Variants in CLDN16 observed in about 807,000 individuals in gnomAD.
CLDN16 encodes the protein claudin 16.
Under a neutral mutation model 24.6 loss-of-function variants are expected in CLDN16, and 13 were observed. The ratio of observed to expected loss-of-function variants is 0.53; its 90% confidence interval spans 0.34 to 0.84. CLDN16 has a LOEUF of 0.84. CLDN16 is among the 40% of genes least tolerant of loss of function. The probability of loss-of-function intolerance (pLI) is 0.01; values close to 1 mark genes in which losing one functional copy is unlikely to be tolerated. For missense variants in CLDN16, 298 were observed against 292.7 expected (o/e 1.02, Z -0.13); for synonymous variants, 116 against 106.7 (o/e 1.09, Z -0.54).
chr3:190,388,422 G>T lies in CLDN16; in HGVS notation c.93G>T (p.Val31=). 6.2e-7 allele frequency: 1 copy of T among 1,614,036 alleles called. No homozygotes were observed. The highest frequency in any genetic ancestry group is 8.5e-7 in the Non-Finnish European group (1 of 1,179,972). ...CCACCTGGACTGACTGTTGGATGGT[G>T]AATGCTGATGACTCTCTGGAGGTAA... ...IVATWTDCWM[V]NADDSLEVST... The change falls in exon 1 of 5, where the codon GTG becomes GTT. Residue 31 remains valine (V), a synonymous_variant. Coordinates refer to ENST00000264734, the MANE Select transcript of CLDN16 (RefSeq NM_006580.4).
At chr3:190,383,784 A>T (rs1718423471), upstream of CLDN16, among the ~76,000 whole-genome samples, 1 of 152,108 alleles carries the variant, frequency 6.6e-6, no homozygotes, top group African/African-American at 2.4e-5. Flanking sequence ...ATAGATATAG[A>T]TATACATACA....
At chr3:190,393,267 C>T (rs1718725811) in intron 1 of CLDN16, among the ~76,000 whole-genome samples, 3 of 152,112 alleles carry the variant, frequency 2.0e-5, no homozygotes, top group South Asian at 4.1e-4. Context: ...TGTCCCTGAA[C>T]CATCCTACTA....
At chr3:190,313,079 C>T in the CLDN16 span, 4 of 1,609,914 alleles carry the variant, frequency 2.5e-6, no homozygotes, top group Admixed American at 1.7e-5. Context: ...ATGCTTGGAC[C>T]AACAAGAGAA....
chr3:190,347,785 C>T (rs1461234126), intron 1 of CLDN16, among the ~76,000 whole-genome samples: 5 of 152,034 alleles, frequency 3.3e-5, no homozygotes, highest in East Asian at 1.9e-4. Context: ...TCTGAAGTGG[C>T]GACAAGTGAG....
At chr3:190,290,722 T>A in the CLDN16 span, among the ~76,000 whole-genome samples, 1 of 152,178 alleles carries the variant, frequency 6.6e-6, no homozygotes, top group Non-Finnish European at 1.5e-5. Flanking sequence ...GATAAATAAT[T>A]ATTACAATTC....
intron 3 of CLDN16, among the ~76,000 whole-genome samples, chr3:190,374,761 G>A (rs1718214083): frequency 1.3e-5 from 2 of 151,920 alleles, no homozygotes; most frequent in South Asian, 4.1e-4. Context: ...AAAAAAGAAA[G>A]TTTGTTTTTA....
intron 1 of CLDN16, among the ~76,000 whole-genome samples, chr3:190,389,177 G>GT (rs1434888932): frequency 6.6e-6 from 1 of 152,152 alleles, no homozygotes; most frequent in Non-Finnish European, 1.5e-5. Flanking sequence ...ACCATTACCT[G>GT]TGGCCATAGG....
In CLDN16 at chr3:190,409,724, A is replaced by T. The variant is rs114668081; in HGVS notation, c.575-179A>T. Among the ~76,000 whole-genome samples the T allele has an allele frequency of 0.024, 3,656 of 152,304 alleles. 68 individuals are homozygous for T. The highest frequency in any genetic ancestry group is 0.056 in the South Asian group (270 of 4,830). On this transcript the variant is annotated intron_variant, in intron 4 of 4. Transcript: ENST00000264734. ...TACTTGGCTGAATTTTAAACCTAAA[A>T]GAAACTTTCAGAATGAAAATCTTAA... is the stretch of plus-strand genomic sequence containing the variant.
chr3:190,388,607 T>A (rs1718570919), intron 1 of CLDN16, among the ~76,000 whole-genome samples, 164 bp downstream of exon 1: 1 of 152,210 alleles, frequency 6.6e-6, no homozygotes, highest in Admixed American at 6.5e-5. Flanking sequence ...CATTTAATCC[T>A]CATAGTTAAT....
intron 3 of CLDN16, among the ~76,000 whole-genome samples, chr3:190,376,509 C>T (rs1718251941): frequency 1.3e-5 from 2 of 151,700 alleles, no homozygotes; most frequent in South Asian, 4.1e-4. Flanking sequence ...AAGCATCTTC[C>T]ATAGGAATAT....
At chr3:190,380,537 G>C (rs927210376) in intron 3 of CLDN16, among the ~76,000 whole-genome samples, 1 of 152,010 alleles carries the variant, frequency 6.6e-6, no homozygotes, top group Non-Finnish European at 1.5e-5. Flanking sequence ...AAGTATTCAT[G>C]GGTTAAGAAG....
chr3:190,390,693 G>A (rs758465482), intron 1 of CLDN16, among the ~76,000 whole-genome samples: 1 of 152,140 alleles, frequency 6.6e-6, no homozygotes, highest in Non-Finnish European at 1.5e-5. Context: ...CAAATTTGAA[G>A]GTTCTGATGC....
At chr3:190,361,504 C>T (rs1440127744) in intron 1 of CLDN16, among the ~76,000 whole-genome samples, 1 of 151,934 alleles carries the variant, frequency 6.6e-6, no homozygotes, top group Non-Finnish European at 1.5e-5. Flanking sequence ...GACTTGGCAC[C>T]AGTCGGCCTT....
chr3:190,319,807 A>G (rs1716870069), upstream of CLDN16, among the ~76,000 whole-genome samples: 3 of 152,206 alleles, frequency 2.0e-5, no homozygotes, highest in South Asian at 6.2e-4. Flanking sequence ...ATGAATCACC[A>G]TCCCAGATCT....
chr3:190,322,471 T>TA, upstream of CLDN16: 1 of 516,784 alleles, frequency 1.9e-6, no homozygotes, highest in East Asian at 3.4e-5. Flanking sequence ...CGCCGCGATT[T>TA]AAAGCAGCTC....
chr3:190,378,863 C>T (rs996889705), intron 3 of CLDN16, among the ~76,000 whole-genome samples: 7 of 151,890 alleles, frequency 4.6e-5, no homozygotes, highest in Admixed American at 3.3e-4. Flanking sequence ...GAATAAGTCA[C>T]TTAATATATA....
At chr3:190,401,535 T>C (rs1718962746) in intron 1 of CLDN16, among the ~76,000 whole-genome samples, 1 of 152,176 alleles carries the variant, frequency 6.6e-6, no homozygotes, top group Non-Finnish European at 1.5e-5. Context: ...TCTGTTGGCA[T>C]GTTTACGATT....
At chr3:190,323,501 T>G (rs1465046098) in intron 1 of CLDN16, among the ~76,000 whole-genome samples, 1 of 152,238 alleles carries the variant, frequency 6.6e-6, no homozygotes, top group African/African-American at 2.4e-5. Flanking sequence ...TAGTCAGAAG[T>G]GCTGTTGTGG....
At chr3:190,313,532 T>C in the CLDN16 span, among the ~76,000 whole-genome samples, 1 of 152,200 alleles carries the variant, frequency 6.6e-6, no homozygotes, top group African/African-American at 2.4e-5. Context: ...AATTGGAAGA[T>C]AAAAAATAAA....
Sources: gnomAD v4.1 joint callset for allele counts (sites outside exome capture counted in the v4.1 genomes callset) on GRCh38, gnomAD v4.1.1 for gene constraint, MANE v1.5 for transcripts, NCBI Gene and HGNC (gene_info 2026-07-23, HGNC 2026-07-21) for gene names.